ERN1: variants seen among roughly 807,000 people sequenced by gnomAD.
ERN1 encodes the protein serine/threonine-protein kinase/endoribonuclease IRE1.
ERN1 carries 39 observed loss-of-function variants against 113.1 expected under a neutral mutation model. The ratio of observed to expected loss-of-function variants is 0.34; its 90% confidence interval spans 0.27 to 0.45. ERN1 has a LOEUF of 0.45. Ranked by LOEUF, ERN1 falls within the 20% of genes least tolerant of loss-of-function variation. The pLI, the probability that ERN1 is intolerant of heterozygous loss-of-function variation, is 1.00. For missense variants in ERN1, 976 were observed against 1,274.8 expected (o/e 0.77, Z 3.57); for synonymous variants, 507 against 515.9 (o/e 0.98, Z 0.23).
At chr17:64,058,183 G>C (rs912652527) in intron 11 of ERN1, among the ~76,000 whole-genome samples, 190 bp from the exon 12 acceptor site, 1 of 152,214 alleles carries the variant, frequency 6.6e-6, no homozygotes, top group Admixed American at 6.5e-5. Context: ...TGCTTTGAGA[G>C]GCCATGCATC....
rs758546929 is a variant in ERN1, at chr17:64,098,220, C to G, written c.76G>C (p.Val26Leu). ...AACAACAAGGTTTCAGGAAGCGTCA[C>G]TGTGCTGGTACTTCCAAAAATCTGC... ...GLGIFGSTST[V>L]TLPETLLFVS... The change falls in exon 2 of 22, where the codon GTG (valine) becomes CTG (leucine). Residue 26 changes from valine (V) to leucine (L), a missense_variant. This residue lies in a region of ERN1 where 459 missense variants were observed against 581.2 expected (regional missense o/e 0.79). Transcript: ENST00000433197. 8 of 1,613,988 alleles carry G rather than the reference C, an allele frequency of 5.0e-6. No homozygotes were observed. Among genetic ancestry groups the G allele is most frequent in the Admixed American group, 1.7e-5 (1 of 60,024 alleles).
chr17:64,109,361 T>C (rs916539654), intron 1 of ERN1, among the ~76,000 whole-genome samples: 1 of 152,208 alleles, frequency 6.6e-6, no homozygotes, highest in Non-Finnish European at 1.5e-5. Flanking sequence ...CAACTGTATT[T>C]ATGACATAAT....
intron 11 of ERN1, among the ~76,000 whole-genome samples, chr17:64,060,268 T>C (rs1026697715): frequency 6.6e-6 from 1 of 152,200 alleles, no homozygotes; most frequent in Non-Finnish European, 1.5e-5. Flanking sequence ...TCCTGCTGCC[T>C]TTCCTGCACC....
At chr17:64,125,876 T>A (rs1476626942) in intron 1 of ERN1, among the ~76,000 whole-genome samples, 1 of 152,232 alleles carries the variant, frequency 6.6e-6, no homozygotes. Context: ...GAACATTTTC[T>A]ACCGGGTTAC....
chr17:64,126,195 C>G (rs1000183534), intron 1 of ERN1, among the ~76,000 whole-genome samples: 1 of 152,204 alleles, frequency 6.6e-6, no homozygotes, highest in African/African-American at 2.4e-5. Context: ...TCCTAGGTTA[C>G]AAGCCCAGTT....
intron 2 of ERN1, among the ~76,000 whole-genome samples, chr17:64,096,538 G>A (rs1914234834): frequency 6.6e-6 from 1 of 152,148 alleles, no homozygotes; most frequent in African/African-American, 2.4e-5. Context: ...ATGCACTTGA[G>A]TCATCCCAAA....
rs75766467 is a variant in ERN1, at chr17:64,044,258, T to C, written c.2722-58A>G. 1 of 1,221,798 alleles carries C rather than the reference T, an allele frequency of 8.2e-7. No individual in the cohort carries two copies. The highest frequency in any genetic ancestry group is 1.1e-6 in the Non-Finnish European group (1 of 895,512). The allele number at this position is 1,221,798 out of a possible 1,614,324, so 75.7% of individuals were successfully genotyped here. On this transcript the variant is annotated intron_variant, in intron 21 of 21. Coordinates refer to ENST00000433197, the MANE Select transcript of ERN1 (RefSeq NM_001433.5). The surrounding 1 kb of genome is among the most constrained non-coding windows in gnomAD (Gnocchi z 4.1). The stretch of plus-strand genomic sequence containing the variant: ...AAGGGGTTAGAAAGCTCGGGAAATG[T>C]TGGCAAAACACCCTTTCATCATGCA...
rs1398080772 is a variant in ERN1 at position 64,054,723 on chromosome 17, G to C, written c.1763+15C>G. On this transcript the variant is annotated intron_variant, in intron 14 of 21. Coordinates refer to ENST00000433197, the MANE Select transcript of ERN1 (RefSeq NM_001433.5). The surrounding 1 kb of genome is among the most constrained non-coding windows in gnomAD (Gnocchi z 4.9). ...CACCAGGCGGTGAGGGCAGGGGGCT[G>C]GCTAATCCACTCACCGGTACACAAT... 1 of 1,591,336 alleles carries C rather than the reference G, an allele frequency of 6.3e-7. No individual in the cohort carries two copies. The highest frequency in any genetic ancestry group is 8.6e-7 in the Non-Finnish European group (1 of 1,166,890).
rs566525894 is a variant in ERN1, at chr17:64,082,187, A to G, written c.176-1379T>C. On this transcript the variant is annotated intron_variant, in intron 2 of 21. Coordinates refer to ENST00000433197, the MANE Select transcript of ERN1 (RefSeq NM_001433.5). ...TATACAAAGGCATATGGTGTTCACAACAACAGAGGTGTACACACACCATAT... is the reference window on the plus strand; with the variant it reads ...TATACAAAGGCATATGGTGTTCACAGCAACAGAGGTGTACACACACCATAT... Among the ~76,000 whole-genome samples the G allele has an allele frequency of 2.2e-3, 338 of 152,356 alleles. 1 individual carries two copies. Among genetic ancestry groups the G allele is most frequent in the Non-Finnish European group, 4.1e-3 (276 of 68,028 alleles).
chr17:64,088,780 C>T (rs974046104), intron 2 of ERN1, among the ~76,000 whole-genome samples: 3 of 152,086 alleles, frequency 2.0e-5, no homozygotes, highest in African/African-American at 4.8e-5. Context: ...CCGGAATACT[C>T]GGAGCAGAAA....
chr17:64,119,148 T>TATAA (rs779528791), intron 1 of ERN1, among the ~76,000 whole-genome samples: 1 of 152,084 alleles, frequency 6.6e-6, no homozygotes, highest in Non-Finnish European at 1.5e-5. Flanking sequence ...TAAACAAATA[T>TATAA]ATAAATAAAT....
chr17:64,125,708 C>T (rs1238336481), intron 1 of ERN1, among the ~76,000 whole-genome samples: 1 of 152,182 alleles, frequency 6.6e-6, no homozygotes, highest in Non-Finnish European at 1.5e-5. Flanking sequence ...AGGCTGCTCT[C>T]GAACGCCTGA....
rs1598048761 is a variant in ERN1, at chr17:64,055,700, G to C, written c.1647C>G (p.Ser549Arg). The change falls in exon 13 of 22, where the codon AGC (serine) becomes AGG (arginine). Residue 549 changes from serine (S) to arginine (R), a missense_variant. Transcript: ENST00000433197. ...SGSSASKAGS[S>R]PSLEQDDGDE... ...CTCCATCGTCTTGTTCCAGGGAGGG[G>C]CTGCTGCCAGCCTTGGAGGCAGAGC... 1 of 1,601,258 alleles carries C rather than the reference G, an allele frequency of 6.2e-7. No homozygotes were observed. Among genetic ancestry groups the C allele is most frequent in the East Asian group, 2.2e-5 (1 of 44,688 alleles).
At chr17:64,067,617 A>AC (rs397815506) in intron 7 of ERN1, among the ~76,000 whole-genome samples, 4 of 149,490 alleles carry the variant, frequency 2.7e-5, no homozygotes, top group Non-Finnish European at 6.0e-5. Context: ...AAAAAAAAAA[A>AC]CAACAAAAAA....
intron 11 of ERN1, among the ~76,000 whole-genome samples, chr17:64,058,514 A>C (rs1912952052): frequency 6.6e-6 from 1 of 152,216 alleles, no homozygotes; most frequent in African/African-American, 2.4e-5. Flanking sequence ...AATTTATTCC[A>C]GTAGTCCACT....
chr17:64,076,453 T>C (rs1399022011), intron 4 of ERN1, among the ~76,000 whole-genome samples: 1 of 152,248 alleles, frequency 6.6e-6, no homozygotes, highest in African/African-American at 2.4e-5. Flanking sequence ...AGAAAGGCAC[T>C]GCAGATCTTC....
At chr17:64,087,604 G>A (rs752070441) in intron 2 of ERN1, among the ~76,000 whole-genome samples, 18 of 152,094 alleles carry the variant, frequency 1.2e-4, no homozygotes, top group Non-Finnish European at 2.5e-4. Context: ...GGATTACCCC[G>A]CATTGATAAT....
At chr17:64,048,730 T>C (rs1004517770) in intron 18 of ERN1, among the ~76,000 whole-genome samples, 1 of 152,090 alleles carries the variant, frequency 6.6e-6, no homozygotes, top group African/African-American at 2.4e-5. Flanking sequence ...CAAATGCCAG[T>C]GCAGGAAGGG....
chr17:64,077,570 T>C (rs1034463660), intron 4 of ERN1, among the ~76,000 whole-genome samples: 3 of 152,150 alleles, frequency 2.0e-5, no homozygotes, highest in Non-Finnish European at 4.4e-5. Flanking sequence ...ACATCACGCT[T>C]GTGAGTCATC....
Sources: allele counts gnomAD v4.1 joint callset (sites outside exome capture counted in the v4.1 genomes callset), GRCh38; gene constraint gnomAD v4.1.1; regional missense constraint gnomAD v4.1.1; non-coding constraint Gnocchi (gnomAD v3.1); transcripts MANE v1.5; gene names NCBI Gene and HGNC (gene_info 2026-07-23, HGNC 2026-07-21).